The following FAM120B variants were observed in gnomAD, a reference collection of about 807,000 sequenced individuals.
FAM120B encodes the protein constitutive coactivator of peroxisome proliferator-activated receptor gamma.
A neutral mutation model predicts 96.3 loss-of-function variants in FAM120B; 83 were observed. The ratio of observed to expected loss-of-function variants is 0.86; its 90% CI spans 0.72 to 1.03. The LOEUF is 1.03. FAM120B is among the 50% of genes least tolerant of loss of function. The pLI is 0.00. For synonymous variants in FAM120B, 407 were observed against 402.7 expected, an observed-to-expected ratio of 1.01 and a Z score of -0.13; for missense variants, 1,027 against 1,121.2, an observed-to-expected ratio of 0.92 and a Z score of 1.20.
chr6:170,385,679 T>C (rs1425547340), intron 6 of FAM120B, among the ~76,000 whole-genome samples: 1 of 152,152 alleles, frequency 6.6e-6, no homozygotes, highest in African/African-American at 2.4e-5. Context: ...AACCTGTACA[T>C]AGAAGTTTCG....
chr6:170,348,434 G>T, intron 5 of FAM120B, 111 bp downstream of exon 5: 5 of 958,492 alleles, frequency 5.2e-6, no homozygotes, highest in African/African-American at 1.6e-5. Flanking sequence ...TCCAATGTCT[G>T]TTCCATGGAA....
chr6:170,398,274 G>T (rs1247920073), intron 9 of FAM120B, among the ~76,000 whole-genome samples: 1 of 152,252 alleles, frequency 6.6e-6, no homozygotes, highest in Non-Finnish European at 1.5e-5. Context: ...TTTATTGAAT[G>T]GTGGGTGAGA....
chr6:170,320,687 C>A (rs1785229331), intron 2 of FAM120B, among the ~76,000 whole-genome samples: 1 of 152,008 alleles, frequency 6.6e-6, no homozygotes, highest in South Asian at 2.1e-4. Flanking sequence ...AAATATGGAC[C>A]TAAAGTTCTA....
At chr6:170,300,161 TA>T (rs1784109769) in intron 1 of FAM120B, among the ~76,000 whole-genome samples, 1 of 152,232 alleles carries the variant, frequency 6.6e-6, no homozygotes, top group African/African-American at 2.4e-5. Context: ...GGAAGAGGTT[TA>T]ATTGACTCAC....
intron 5 of FAM120B, among the ~76,000 whole-genome samples, chr6:170,353,734 A>G (rs1787724704): frequency 6.6e-6 from 1 of 152,248 alleles, no homozygotes; most frequent in South Asian, 2.1e-4. Flanking sequence ...GGACCTCTTC[A>G]AGGAGAACTA....
chr6:170,342,557 C>G (rs1305497083), intron 4 of FAM120B, among the ~76,000 whole-genome samples: 1 of 152,206 alleles, frequency 6.6e-6, no homozygotes, highest in Non-Finnish European at 1.5e-5. Flanking sequence ...GTTCACAACT[C>G]TCCCCCAGGG....
chr6:170,367,453 C>G (rs1419489452), intron 6 of FAM120B, among the ~76,000 whole-genome samples: 1 of 152,264 alleles, frequency 6.6e-6, no homozygotes, highest in African/African-American at 2.4e-5. Context: ...TTGCAGCTGC[C>G]TTTGCCCTGC....
upstream of FAM120B, among the ~76,000 whole-genome samples, chr6:170,305,324 G>A (rs1448511436): frequency 6.6e-6 from 1 of 152,208 alleles, no homozygotes; most frequent in Non-Finnish European, 1.5e-5. Flanking sequence ...TCACCCCACA[G>A]CACTAATCAG....
chr6:170,321,374 A>T (rs1785275309), intron 2 of FAM120B, among the ~76,000 whole-genome samples: 1 of 152,090 alleles, frequency 6.6e-6, no homozygotes, highest in African/African-American at 2.4e-5. Flanking sequence ...CTATGTCAGC[A>T]TTTTGGAAGA....
intron 1 of FAM120B, among the ~76,000 whole-genome samples, chr6:170,310,071 C>T (rs2114996776): frequency 6.6e-6 from 1 of 152,304 alleles, no homozygotes; most frequent in Non-Finnish European, 1.5e-5. Context: ...TAACTGCTGT[C>T]AGTTTTCCTG....
chr6:170,385,955 G>A (rs1790162939), intron 6 of FAM120B, among the ~76,000 whole-genome samples: 1 of 152,196 alleles, frequency 6.6e-6, no homozygotes, highest in African/African-American at 2.4e-5. Context: ...AAAGATGAGT[G>A]ATTGCCAGGG....
At chr6:170,353,473 TTGA>T (rs1364790767) in intron 5 of FAM120B, among the ~76,000 whole-genome samples, 1 of 152,160 alleles carries the variant, frequency 6.6e-6, no homozygotes, top group Non-Finnish European at 1.5e-5. Flanking sequence ...GCCAATATCC[TTGA>T]TGAACATTGA....
chr6:170,378,109 A>C (rs1004292055), intron 6 of FAM120B, among the ~76,000 whole-genome samples: 3 of 152,348 alleles, frequency 2.0e-5, no homozygotes, highest in Non-Finnish European at 4.4e-5. Flanking sequence ...AGTTGCCATA[A>C]AATGCTCATT....
At chr6:170,301,562 T>A (rs1417893610) in intron 1 of FAM120B, among the ~76,000 whole-genome samples, 1 of 152,270 alleles carries the variant, frequency 6.6e-6, no homozygotes, top group Non-Finnish European at 1.5e-5. Context: ...TGGGTTTTTT[T>A]AATCTATTGC....
At chr6:170,298,148 C>T (rs117176882) in intron 1 of FAM120B, 3 of 152,194 alleles carry the variant, frequency 2.0e-5, no homozygotes, top group Non-Finnish European at 4.4e-5. Context: ...CAAGCTCTTT[C>T]TTTCCTTTCC....
intron 8 of FAM120B, 142 bp downstream of exon 8, chr6:170,391,263 G>T: frequency 3.0e-6 from 2 of 656,030 alleles, no homozygotes; most frequent in East Asian, 2.8e-5. Context: ...GGCCGGGTGC[G>T]GTGGCTCACG....
At chr6:170,319,800 C>T (rs1785169451) in intron 2 of FAM120B, among the ~76,000 whole-genome samples, 1 of 152,212 alleles carries the variant, frequency 6.6e-6, no homozygotes, top group Admixed American at 6.5e-5. Context: ...CGTTTTGAAT[C>T]TGCATCACGC....
chr6:170,328,566 T>A (rs1386940498), intron 3 of FAM120B, among the ~76,000 whole-genome samples: 1 of 152,228 alleles, frequency 6.6e-6, no homozygotes, highest in Non-Finnish European at 1.5e-5. Context: ...TCTAGCTGTC[T>A]TTGCAATTCC....
rs568252424 is a variant in FAM120B at position 170,380,156 on chromosome 6, G to A, written c.2284-8131G>A. Among the ~76,000 whole-genome samples the A allele has an allele frequency of 2.6e-4, 39 of 152,214 alleles. 1 individual carries two copies. The highest frequency in any genetic ancestry group is 1.6e-3 in the Admixed American group (24 of 15,290). On this transcript the variant is annotated intron_variant, in intron 6 of 10. Transcript: ENST00000476287. ...AACATAGTGTTCTGCACTTCCATCC[G>A]TGTTGTTACAACATGACAGGATTTT...
Sources: allele counts gnomAD v4.1 joint callset (sites outside exome capture counted in the v4.1 genomes callset), GRCh38; gene constraint gnomAD v4.1.1; transcripts MANE v1.5; gene names NCBI Gene and HGNC (gene_info 2026-07-23, HGNC 2026-07-21).